The following CDH18 variants were observed in gnomAD, a reference collection of about 807,000 sequenced individuals.
CDH18 encodes the protein cadherin 18.
In CDH18, 31 loss-of-function variants were observed where a neutral mutation model predicts 67.9. The observed-to-expected ratio is 0.46, with a 90% CI of 0.34 to 0.62. The LOEUF (loss-of-function observed/expected upper bound fraction) is 0.62, where lower values mean the gene tolerates loss of function less well. CDH18 is among the 20% of genes least tolerant of loss of function. The pLI, the probability that CDH18 is intolerant of heterozygous loss-of-function variation, is 0.01. For missense variants in CDH18, 890 were observed against 975.5 expected, an observed-to-expected ratio of 0.91 and a Z score of 1.17; for synonymous variants, 362 against 347.2, an observed-to-expected ratio of 1.04 and a Z score of -0.48.
chr5:20,083,676 G>C (rs1246593377), intron 2 of CDH18, among the ~76,000 whole-genome samples: 1 of 152,102 alleles, frequency 6.6e-6, no homozygotes, highest in Non-Finnish European at 1.5e-5. Context: ...AAAGAAAGAG[G>C]GTTAATTGGA....
intron 2 of CDH18, among the ~76,000 whole-genome samples, chr5:19,896,125 T>C (rs180883776): frequency 1.3e-5 from 2 of 152,094 alleles, no homozygotes; most frequent in Admixed American, 6.5e-5. Context: ...GGGAGGCCAA[T>C]GCGGGCAGAT....
At chr5:20,538,236 G>A (rs1756838031) in intron 1 of CDH18, among the ~76,000 whole-genome samples, 1 of 152,078 alleles carries the variant, frequency 6.6e-6, no homozygotes, top group South Asian at 2.1e-4. Context: ...TGAGAAAGGG[G>A]GATGCAGACG....
chr5:19,882,146 C>T (rs970968465), intron 2 of CDH18, among the ~76,000 whole-genome samples: 5 of 152,088 alleles, frequency 3.3e-5, no homozygotes, highest in African/African-American at 9.7e-5. Context: ...TAATACATGT[C>T]TTACAATATT....
chr5:20,436,456 A>G (rs924092020), intron 1 of CDH18, among the ~76,000 whole-genome samples: 1 of 151,930 alleles, frequency 6.6e-6, no homozygotes, highest in Non-Finnish European at 1.5e-5. Context: ...CACTGTTCCC[A>G]TGAAAATAAA....
At chr5:19,858,204 C>A (rs1784509037) in intron 2 of CDH18, among the ~76,000 whole-genome samples, 1 of 152,046 alleles carries the variant, frequency 6.6e-6, no homozygotes, top group Non-Finnish European at 1.5e-5. Flanking sequence ...AGGTCCTAAG[C>A]AGATTTAAAG....
intron 2 of CDH18, among the ~76,000 whole-genome samples, chr5:19,927,127 C>G (rs915133873): frequency 6.6e-6 from 1 of 151,996 alleles, no homozygotes; most frequent in African/African-American, 2.4e-5. Context: ...TTCTAGATAA[C>G]GTTTATTGGG....
intron 1 of CDH18, among the ~76,000 whole-genome samples, chr5:20,332,526 A>G (rs1739275503): frequency 6.6e-6 from 1 of 152,296 alleles, no homozygotes; most frequent in Admixed American, 6.5e-5. Flanking sequence ...AAACAGTAAG[A>G]CCTCACTGAA....
In CDH18 at chr5:20,190,060, A is replaced by T. The variant is rs115745850; in HGVS notation, c.-518+65384T>A. ...CTTTTTGTAGAGCTTCTGCAGCAGC[A>T]GACCATAGGCTCCAGCCCCTAGCTT... On this transcript the variant is annotated intron_variant, in intron 2 of 14. Coordinates refer to the CDH18 transcript ENST00000507958. Among the ~76,000 whole-genome samples, 1,308 of 152,248 alleles carry T rather than the reference A, an allele frequency of 8.6e-3. 21 individuals are homozygous for T. Among genetic ancestry groups the T allele is most frequent in the African/African-American group, 0.029 (1,198 of 41,546 alleles).
intron 1 of CDH18, among the ~76,000 whole-genome samples, chr5:20,307,555 C>T (rs1244483564): frequency 6.6e-6 from 1 of 152,144 alleles, no homozygotes; most frequent in Non-Finnish European, 1.5e-5. Flanking sequence ...AAAGAAGAAG[C>T]AGTGCCTTAG....
chr5:20,105,428 T>C (rs1746845074), intron 2 of CDH18, among the ~76,000 whole-genome samples: 1 of 152,250 alleles, frequency 6.6e-6, no homozygotes, highest in African/African-American at 2.4e-5. Context: ...TTTCCAATTT[T>C]AAGTATACAA....
At chr5:19,866,782 A>T (rs1785570713) in intron 2 of CDH18, among the ~76,000 whole-genome samples, 1 of 152,096 alleles carries the variant, frequency 6.6e-6, no homozygotes. Context: ...TCGAGCATAC[A>T]GTTAGGGCAT....
At chr5:19,810,646 A>G (rs1778537406) in intron 3 of CDH18, among the ~76,000 whole-genome samples, 1 of 152,124 alleles carries the variant, frequency 6.6e-6, no homozygotes. Context: ...ACTTAATTAT[A>G]TTTTTCTAAT....
intron 2 of CDH18, among the ~76,000 whole-genome samples, chr5:20,163,222 C>T (rs573931856): frequency 6.6e-6 from 1 of 152,096 alleles, no homozygotes; most frequent in Non-Finnish European, 1.5e-5. Flanking sequence ...ATAAGCAACT[C>T]AAAAGAATAC....
intron 5 of CDH18, among the ~76,000 whole-genome samples, chr5:19,640,849 T>C (rs1753895211): frequency 6.6e-6 from 1 of 151,784 alleles, no homozygotes; most frequent in Non-Finnish European, 1.5e-5. Flanking sequence ...ATAAGGATTA[T>C]AACTAAATCA....
chr5:20,425,959 A>G (rs1748271157), intron 1 of CDH18, among the ~76,000 whole-genome samples: 1 of 151,236 alleles, frequency 6.6e-6, no homozygotes, highest in Admixed American at 6.6e-5. Flanking sequence ...AATAGACTCT[A>G]TGCCAAATAG....
chr5:19,994,580 T>G (rs887101247), intron 2 of CDH18, among the ~76,000 whole-genome samples: 6 of 149,176 alleles, frequency 4.0e-5, no homozygotes, highest in African/African-American at 1.5e-4. Context: ...AACTCATGAT[T>G]ACTTTATTGC....
At chr5:19,734,668 T>G (rs1768062042) in intron 4 of CDH18, among the ~76,000 whole-genome samples, 1 of 152,262 alleles carries the variant, frequency 6.6e-6, no homozygotes, top group Non-Finnish European at 1.5e-5. Context: ...TCTCCTTTAA[T>G]GTTTAGGGCT....
At chr5:19,853,732 C>T (rs1032463864) in intron 2 of CDH18, among the ~76,000 whole-genome samples, 14 of 151,972 alleles carry the variant, frequency 9.2e-5, no homozygotes, top group Admixed American at 9.2e-4. Context: ...CCTTTCTGGA[C>T]CTAGCTAGTA....
chr5:20,515,953 A>G (rs1755341878), intron 1 of CDH18, among the ~76,000 whole-genome samples: 1 of 152,038 alleles, frequency 6.6e-6, no homozygotes, highest in South Asian at 2.1e-4. Context: ...TAAGATCCAG[A>G]TTGATAGTCA....
Sources: gnomAD v4.1 joint callset for allele counts (sites outside exome capture counted in the v4.1 genomes callset) on GRCh38, gnomAD v4.1.1 for gene constraint, MANE v1.5 for transcripts, NCBI Gene and HGNC (gene_info 2026-07-23, HGNC 2026-07-21) for gene names.